UBR4: variants seen among roughly 807,000 people sequenced by gnomAD.
UBR4 encodes the protein ubiquitin protein ligase E3 component n-recognin 4, also known as E3 ubiquitin-protein ligase UBR4.
Under a neutral mutation model 575.6 loss-of-function variants are expected in UBR4, and 124 were observed. The ratio of observed to expected loss-of-function variants is 0.22; its 90% confidence interval spans 0.19 to 0.25. UBR4 has a LOEUF of 0.25. Ranked by LOEUF, UBR4 falls within the 10% of genes least tolerant of loss-of-function variation. The pLI, the probability that UBR4 is intolerant of heterozygous loss-of-function variation, is 1.00. For missense variants in UBR4, 4,818 were observed against 6,478.8 expected, an observed-to-expected ratio of 0.74 and a Z score of 8.80; for synonymous variants, 2,455 against 2,473.7, an observed-to-expected ratio of 0.99 and a Z score of 0.22.
chr1:19,190,312 A>AAAAAAAAAAAAATATAT lies in UBR4; in HGVS notation c.1394+1875_1394+1876insATATATTTTTTTTTTTT. 6.4e-4 allele frequency among the ~76,000 whole-genome samples: 51 copies of AAAAAAAAAAAAATATAT among 79,882 alleles called. 1 individual carries two copies. The highest frequency in any genetic ancestry group is 1.2e-3 in the African/African-American group (23 of 18,772). The allele number at this position is 79,882 out of a possible 152,430, so 52.4% of individuals were successfully genotyped here. ...TGCCTCAAAAAAAAAAAAAAAAAAA[A>AAAAAAAAAAAAATATAT]ATATATATATATATATATTTGTATG... On this transcript the variant is annotated intron_variant, in intron 11 of 105. Coordinates refer to ENST00000375254, the MANE Select transcript of UBR4 (RefSeq NM_020765.3).
intron 100 of UBR4, 115 bp from the exon 101 acceptor site, chr1:19,086,385 G>A (rs1026348138): frequency 1.5e-5 from 20 of 1,359,098 alleles, no homozygotes; most frequent in African/African-American, 5.8e-5. Flanking sequence ...GAAGTCAGTC[G>A]GCCCAGGCTC....
intron 51 of UBR4, 138 bp downstream of exon 51, chr1:19,147,855 A>G (rs2085082735): frequency 7.6e-7 from 1 of 1,324,106 alleles, no homozygotes; most frequent in Non-Finnish European, 1.0e-6. Context: ...CTCAGGAGAA[A>G]CTCTGTAAAA....
At chr1:19,081,689 A>G (rs762948876) in intron 102 of UBR4, 116 bp from the exon 103 acceptor site, 1 of 1,123,440 alleles carries the variant, frequency 8.9e-7, no homozygotes, top group Non-Finnish European at 1.4e-6. Context: ...GAACGCTTGG[A>G]TGACTCAACA....
intron 12 of UBR4, 43 bp from the exon 13 acceptor site, chr1:19,187,344 G>T (rs746112351): frequency 1.2e-6 from 2 of 1,608,560 alleles, no homozygotes; most frequent in Non-Finnish European, 1.7e-6. Context: ...ATACTACTCA[G>T]CCAGAAAAAA....
At chr1:19,126,898 C>T (rs2081861793) in intron 63 of UBR4, among the ~76,000 whole-genome samples, 1 of 152,238 alleles carries the variant, frequency 6.6e-6, no homozygotes, top group African/African-American at 2.4e-5. Flanking sequence ...AACCTTGCTA[C>T]ACGCACATAT....
At position 19,151,735 on chromosome 1, in the gene UBR4, G is replaced by C. The variant is rs766844461; in HGVS notation, c.7121C>G (p.Thr2374Ser). The C allele has an allele frequency of 3.1e-6, 5 of 1,614,118 alleles. No homozygotes were observed. In the African/African-American group the frequency reaches 6.7e-5, roughly 22 times the overall value. Residue 2374 changes from threonine (T) to serine (S), a missense_variant, in exon 48 of 106, where the codon ACT becomes AGT. By Grantham distance (58) the Thr-to-Ser change is moderately conservative (BLOSUM62 1). Coordinates refer to ENST00000375254, the MANE Select transcript of UBR4 (RefSeq NM_020765.3). ...APSYIEIFGR[T>S]MQLNLSRSRW... ...TGAGCGACTCAGGTTGAGCTGCATA[G>C]TTCTGCCGAAGATCTCGATATATGA...
rs893839293 is a variant in UBR4, at chr1:19,115,319, A to C, written c.11063+79T>G. 44 of 1,550,130 alleles carry C rather than the reference A, an allele frequency of 2.8e-5. No homozygotes were observed. In the African/African-American group the frequency reaches 5.2e-4, roughly 18 times the overall value. ...TGTTCTGAGGGAATCAGACACTGTA[A>C]TTGCTCACACTGACACTACTACAGA... On this transcript the variant is annotated intron_variant, in intron 74 of 105. Transcript: ENST00000375254.
In UBR4 at chr1:19,074,836, G is replaced by C; in HGVS notation, c.15548C>G (p.Pro5183Arg). 1 of 1,614,048 alleles carries C rather than the reference G, an allele frequency of 6.2e-7. No individual in the cohort carries two copies. Among genetic ancestry groups the C allele is most frequent in the Non-Finnish European group, 8.5e-7 (1 of 1,179,990 alleles). Residue 5183 changes from proline (P) to arginine (R), a missense_variant, in exon 106 of 106, where the codon CCC (proline) becomes CGC (arginine). Pro to Arg is a moderately radical substitution (Grantham distance 103). This residue lies in a region of UBR4 where 212 missense variants were observed against 221.3 expected (regional missense o/e 0.96). Coordinates refer to ENST00000375254, the MANE Select transcript of UBR4 (RefSeq NM_020765.3). ...GCCGCAGCTGCTGTGTGGTGGTCAGGGGACTGAGTTCAACAGGTCCTTCAG... is the reference window on the plus strand; with the variant it reads ...GCCGCAGCTGCTGTGTGGTGGTCAGCGGACTGAGTTCAACAGGTCCTTCAG... ...SFLKDLLNSV[P>R]
chr1:19,207,401 G>A (rs1306453779), intron 1 of UBR4, among the ~76,000 whole-genome samples: 1 of 152,232 alleles, frequency 6.6e-6, no homozygotes. Flanking sequence ...GGCCAAGGCG[G>A]GCGGATCACC....
rs2081018281 is a variant in UBR4, at chr1:19,120,163, C to A, written c.10310+17G>T. The A allele has an allele frequency of 6.2e-7, 1 of 1,612,012 alleles. No homozygotes were observed. Among genetic ancestry groups the A allele is most frequent in the Non-Finnish European group, 8.5e-7 (1 of 1,178,404 alleles). ...CTCACACCCTTGCAGATCTGTCAAA[C>A]CAAGCCCTGGCCCTACCTGTAGATG... On this transcript the variant is annotated intron_variant, in intron 69 of 105. Coordinates refer to ENST00000375254, the MANE Select transcript of UBR4 (RefSeq NM_020765.3).
At position 19,121,980 on chromosome 1, in the gene UBR4, G is replaced by T. The variant is rs761587019; in HGVS notation, c.9849C>A (p.Ala3283=). The change falls in exon 67 of 106, where the codon GCC becomes GCA. Residue 3283 remains alanine (A), a synonymous_variant. Coordinates refer to ENST00000375254, the MANE Select transcript of UBR4 (RefSeq NM_020765.3). The stretch of plus-strand genomic sequence containing the variant: ...TCTGCCAGTTGATGGTTCGCTGGGC[G>T]GCAATCTCTGCACAGGCTTTCAGGT... ...MEHLKACAEI[A]AQRTINWQKF... is the part of the protein sequence containing the mutation. 1.9e-6 allele frequency: 3 copies of T among 1,614,002 alleles called. No homozygotes were observed. The highest frequency in any genetic ancestry group is 2.2e-5 in the East Asian group (1 of 44,892).
Position 19,167,139 on chromosome 1 carries a change from C to T in UBR4, c.3992G>A (p.Ser1331Asn), listed in dbSNP as rs146062187. 21 of 1,614,088 alleles carry T rather than the reference C, an allele frequency of 1.3e-5. No individual in the cohort carries two copies. The highest frequency in any genetic ancestry group is 1.8e-5 in the Non-Finnish European group (21 of 1,180,052). Reference sequence around the variant, plus strand: ...GCCCAAGATGCGTTCCAGGGAGTTGCTACTGATCTCGGCAACACTCTCAGT... The same window carrying T: ...GCCCAAGATGCGTTCCAGGGAGTTGTTACTGATCTCGGCAACACTCTCAGT... ...SSTESVAEIS[S>N]NSLERILGPA... The change falls in exon 29 of 106, where the codon AGC becomes AAC. Residue 1331 changes from serine to asparagine, a missense_variant. Around this residue, in one of 29 missense-constraint regions of UBR4, gnomAD observed 1,172 missense variants for 1,259.7 expected, o/e 0.93. Transcript: ENST00000375254.
In UBR4 at chr1:19,157,893, G is replaced by A; in HGVS notation, c.5682C>T (p.Leu1894=). 1.9e-6 allele frequency: 3 copies of A among 1,614,248 alleles called. No individual in the cohort carries two copies. The highest frequency in any genetic ancestry group is 2.5e-6 in the Non-Finnish European group (3 of 1,180,042). Residue 1894 remains leucine (L), a synonymous_variant, in exon 40 of 106, where the codon CTC becomes CTT. Transcript: ENST00000375254. The surrounding 1 kb of genome is among the most constrained non-coding windows in gnomAD (Gnocchi z 4.4). ...TIRQLISAHV[L]RRVAMCVLSS... ...AGAGCACACACATAGCCACCCGCCT[G>A]AGCACATGAGCACTGATCAGCTGCC...
intron 8 of UBR4, 127 bp downstream of exon 8, chr1:19,197,014 C>A: frequency 1.7e-6 from 2 of 1,163,452 alleles, no homozygotes; most frequent in Non-Finnish European, 1.2e-6. Flanking sequence ...CTTGATGCGA[C>A]GTTAGATGAT....
Position 19,086,236 on chromosome 1 carries a change from C to T in UBR4, c.14722G>A (p.Ala4908Thr), listed in dbSNP as rs749570985. ...ARGREEWESA[A>T]LQNANTKCNG... ...CACTTGGTGTTGGCATTCTGCAGGG[C>T]GGCACTCTCCCACTCTTCCCGGCCT... The change falls in exon 101 of 106, where the codon GCC (alanine) becomes ACC (threonine). Residue 4908 changes from alanine (A) to threonine (T), a missense_variant. Transcript: ENST00000375254. 5 of 1,613,840 alleles carry T rather than the reference C, an allele frequency of 3.1e-6. No homozygotes were observed. The highest frequency in any genetic ancestry group is 1.1e-5 in the South Asian group (1 of 91,058).
intron 38 of UBR4, 29 bp from the exon 39 acceptor site, chr1:19,160,310 G>C: frequency 3.6e-6 from 4 of 1,113,288 alleles, no homozygotes; most frequent in Middle Eastern, 2.3e-4. Flanking sequence ...ATACACCAGT[G>C]AAAAAAAAAA....
chr1:19,160,089 A>G (rs2150503467), intron 39 of UBR4, 22 bp downstream of exon 39: 2 of 1,598,694 alleles, frequency 1.3e-6, no homozygotes, highest in South Asian at 1.1e-5. Flanking sequence ...GCCACCAAAC[A>G]TCATGGCCCC....
At position 19,110,708 on chromosome 1, in the gene UBR4, A is replaced by G. The variant is rs888170828; in HGVS notation, c.11892+34T>C. The G allele has an allele frequency of 3.7e-6, 6 of 1,608,124 alleles. No individual in the cohort carries two copies. Among genetic ancestry groups the G allele is most frequent in the Admixed American group, 1.7e-5 (1 of 59,994 alleles). ...AACACAAGGCATGTGAGGGGAAGTC[A>G]GAGAGGACAGCTGGGCCTGCTAGGC... is the stretch of plus-strand genomic sequence containing the variant. On this transcript the variant is annotated intron_variant, in intron 79 of 105. Coordinates refer to ENST00000375254, the MANE Select transcript of UBR4 (RefSeq NM_020765.3). This position sits in a 1 kb window ranked among gnomAD's most constrained non-coding sequence, Gnocchi z 4.5.
intron 81 of UBR4, among the ~76,000 whole-genome samples, chr1:19,109,102 C>A (rs1398847806): frequency 6.6e-6 from 1 of 152,236 alleles, no homozygotes; most frequent in Non-Finnish European, 1.5e-5. Flanking sequence ...CATCATAACC[C>A]TAGTGCTTAG....
Sources: gnomAD v4.1 joint callset for allele counts (sites outside exome capture counted in the v4.1 genomes callset) on GRCh38, gnomAD v4.1.1 for gene constraint, gnomAD v4.1.1 regional missense constraint, Gnocchi (gnomAD v3.1) non-coding constraint, MANE v1.5 for transcripts, NCBI Gene and HGNC (gene_info 2026-07-23, HGNC 2026-07-21) for gene names.